SYNE1: variants seen among roughly 807,000 people sequenced by gnomAD.
SYNE1 encodes spectrin repeat containing nuclear envelope protein 1.
A neutral mutation model predicts 1,111.0 loss-of-function variants in SYNE1; 616 were observed. The observed-to-expected ratio is 0.55, with a 90% CI of 0.52 to 0.59. The LOEUF is 0.59. Among genes scored for constraint, SYNE1 ranks in the 20% least tolerant of loss-of-function variants. The pLI is 0.00. For synonymous variants in SYNE1, 3,855 were observed against 3,825.8 expected (o/e 1.01, Z -0.28); for missense variants, 10,006 against 10,417.0 (o/e 0.96, Z 1.72).
intron 57 of SYNE1, 66 bp from the exon 58 acceptor site, chr6:152,376,624 A>G: frequency 6.3e-7 from 1 of 1,593,154 alleles, no homozygotes; most frequent in Non-Finnish European, 8.6e-7. Context: ...ATCATGTTTG[A>G]TAGAATCACC....
Position 152,148,167 on chromosome 6 carries a change from C to G in SYNE1, c.24854G>C (p.Trp8285Ser). The G allele has an allele frequency of 6.2e-7, 1 of 1,614,188 alleles. No individual in the cohort carries two copies. The highest frequency in any genetic ancestry group is 2.2e-5 in the East Asian group (1 of 44,866). The change falls in exon 137 of 146, where the codon TGG (tryptophan) becomes TCG (serine). Residue 8285 changes from tryptophan to serine, a missense_variant. Physicochemically the swap from Trp to Ser is radical, Grantham distance 177. This residue lies in a region of SYNE1 where 761 missense variants were observed against 795.5 expected (regional missense o/e 0.96). Transcript: ENST00000367255. The surrounding 1 kb of genome is among the most constrained non-coding windows in gnomAD (Gnocchi z 4.1). ...PASVDSIPLE[W>S]DHDYDLSRDL... ...CCGACTGAGGTCATAGTCGTGATCC[C>G]ACTCCAGGGGGATGGAGTCCACACT...
chr6:152,217,114 T>TA (rs35131405), intron 121 of SYNE1, among the ~76,000 whole-genome samples: 3 of 100,380 alleles, frequency 3.0e-5, no homozygotes, highest in African/African-American at 6.3e-5. Flanking sequence ...TTTTTTTTTT[T>TA]AAAAAAGTAT....
chr6:152,238,902 T>G (rs2084862173), intron 108 of SYNE1, among the ~76,000 whole-genome samples: 1 of 140,980 alleles, frequency 7.1e-6, no homozygotes, highest in African/African-American at 2.9e-5. Context: ...TTACTTTCAT[T>G]TTTTTTTTTT....
At chr6:152,393,300 GC>G (rs2097676387) in intron 51 of SYNE1, among the ~76,000 whole-genome samples, 1 of 152,088 alleles carries the variant, frequency 6.6e-6, no homozygotes, top group Admixed American at 6.6e-5. Context: ...GTAATGAGCA[GC>G]CTGTAGAGAC....
At position 152,376,536 on chromosome 6, in the gene SYNE1, C is replaced by G. The variant is rs766846025; in HGVS notation, c.9169G>C (p.Gly3057Arg). ...AAAATCTGTTCTTTATTCTGGCAGC[C>G]CTTGGATGCTTGCAAACAAAGACTG... is the stretch of plus-strand genomic sequence containing the variant. ...YNCLCLQASK[G>R]CQNKEQILQQ... is the part of the protein sequence containing the mutation. The change falls in exon 58 of 146, where the codon GGC becomes CGC. Residue 3057 changes from glycine (G) to arginine (R), a missense_variant. Gly to Arg is a moderately radical substitution (Grantham distance 125, BLOSUM62 -2). This residue lies in a region of SYNE1 where 4,955 missense variants were observed against 5,017.2 expected (regional missense o/e 0.99). Transcript: ENST00000367255. 6.2e-7 allele frequency: 1 copy of G among 1,613,866 alleles called. No individual in the cohort carries two copies. The highest frequency in any genetic ancestry group is 1.1e-5 in the South Asian group (1 of 91,078).
chr6:152,474,440 A>T (rs1215316443), intron 14 of SYNE1, among the ~76,000 whole-genome samples: 2 of 152,222 alleles, frequency 1.3e-5, no homozygotes, highest in Middle Eastern at 3.2e-3. Context: ...ACCACTGCTG[A>T]GAGAGATTGA....
intron 93 of SYNE1, among the ~76,000 whole-genome samples, chr6:152,294,751 T>C (rs2094786373): frequency 6.6e-6 from 1 of 152,132 alleles, no homozygotes; most frequent in South Asian, 2.1e-4. Context: ...AATGATGAAA[T>C]ATCATGCTTT....
At chr6:152,393,077 C>T (rs531155251) in intron 51 of SYNE1, among the ~76,000 whole-genome samples, 2 of 152,200 alleles carry the variant, frequency 1.3e-5, no homozygotes, top group Non-Finnish European at 2.9e-5. Flanking sequence ...CACCCAGAAA[C>T]AAGCACACTA....
rs1201471335 is a variant in SYNE1 at position 152,367,278 on chromosome 6, A to C, written c.9912T>G (p.Asp3304Glu). The change falls in exon 62 of 146, where the codon GAT (aspartate) becomes GAG (glutamate). Residue 3304 changes from aspartate (D) to glutamate (E), a missense_variant. Asp to Glu is a conservative substitution (Grantham distance 45). Coordinates refer to ENST00000367255, the MANE Select transcript of SYNE1 (RefSeq NM_182961.4). The part of the protein sequence containing the change: ...DWMTDAIHML[D>E]SYCHPTSDKS... ...TGTCGGATGTCGGGTGGCAGTATGA[A>C]TCCAGCATGTGAATCGCATCCGTCA... 1.2e-6 allele frequency: 2 copies of C among 1,614,224 alleles called. No homozygotes were observed. The highest frequency in any genetic ancestry group is 2.2e-5 in the South Asian group (2 of 91,086).
chr6:152,481,979 T>A (rs577625226), intron 14 of SYNE1, among the ~76,000 whole-genome samples: 2 of 151,806 alleles, frequency 1.3e-5, no homozygotes, highest in Non-Finnish European at 2.9e-5. Flanking sequence ...GCGTTGGTGA[T>A]TGGGGGAGGA....
chr6:152,532,016 A>T (rs1256511972), intron 4 of SYNE1, among the ~76,000 whole-genome samples: 1 of 152,218 alleles, frequency 6.6e-6, no homozygotes, highest in East Asian at 1.9e-4. Flanking sequence ...ATATATACCC[A>T]GAAGTGGAAT....
In SYNE1 at chr6:152,395,524, C is replaced by A. The variant is rs766042710; in HGVS notation, c.7704G>T (p.Leu2568=). Residue 2568 remains leucine (L), a synonymous_variant, in exon 51 of 146, where the codon CTG becomes CTT. Coordinates refer to ENST00000367255, the MANE Select transcript of SYNE1 (RefSeq NM_182961.4). The part of the protein sequence containing the change: ...HKVEMFLGEL[L]AARESLDKLS... ...CCATTTCTGGACCATACCTTGCAGC[C>A]AGCAGTTCTCCCAAAAACATTTCAA... 2 of 1,613,646 alleles carry A rather than the reference C, an allele frequency of 1.2e-6. No individual in the cohort carries two copies. The highest frequency in any genetic ancestry group is 2.7e-5 in the African/African-American group (2 of 74,860).
At chr6:152,380,932 T>C in intron 56 of SYNE1, 74 bp downstream of exon 56, 2 of 1,471,610 alleles carry the variant, frequency 1.4e-6, no homozygotes, top group Non-Finnish European at 1.9e-6. Context: ...GCAAGATTTT[T>C]TTTTTAAGGA....
chr6:152,390,444 G>T lies in SYNE1; in HGVS notation c.8013C>A (p.Leu2671=), dbSNP rs1563634153. 6.2e-7 allele frequency: 1 copy of T among 1,613,930 alleles called. No homozygotes were observed. Among genetic ancestry groups the T allele is most frequent in the Non-Finnish European group, 8.5e-7 (1 of 1,179,980 alleles). The part of the protein sequence containing the change: ...EKRLSQIQDI[L]LMKGEGEVKL... ...TAACTTCCCCTTCACCTTTCATCAG[G>T]AGAATATCCTGGGAAGGAAGAAAGA... Residue 2671 remains leucine (L), a synonymous_variant, in exon 53 of 146, where the codon CTC becomes CTA. Coordinates refer to ENST00000367255, the MANE Select transcript of SYNE1 (RefSeq NM_182961.4).
At chr6:152,460,377 A>C (rs926736045) in intron 21 of SYNE1, among the ~76,000 whole-genome samples, 48 of 152,166 alleles carry the variant, frequency 3.2e-4, no homozygotes, top group Non-Finnish European at 1.5e-5. Context: ...TACCATATTG[A>C]TAGATAAAAT....
At chr6:152,125,084 C>A (rs1312455417) in intron 145 of SYNE1, among the ~76,000 whole-genome samples, 1 of 152,208 alleles carries the variant, frequency 6.6e-6, no homozygotes, top group African/African-American at 2.4e-5. Flanking sequence ...TTTTAACTAC[C>A]AGAACCTGGA....
At chr6:152,566,265 G>C (rs2128264671) in intron 3 of SYNE1, among the ~76,000 whole-genome samples, 1 of 152,230 alleles carries the variant, frequency 6.6e-6, no homozygotes, top group East Asian at 1.9e-4. Context: ...ACACAGAGAT[G>C]CTGGCAGGTT....
At chr6:152,538,431 C>A (rs934534208) in intron 4 of SYNE1, among the ~76,000 whole-genome samples, 18 of 152,068 alleles carry the variant, frequency 1.2e-4, no homozygotes, top group African/African-American at 4.3e-4. Flanking sequence ...GGCTCCAGAA[C>A]AATATCCTAT....
intron 6 of SYNE1, among the ~76,000 whole-genome samples, chr6:152,514,463 C>G (rs2099101167): frequency 6.6e-6 from 1 of 152,012 alleles, no homozygotes. Flanking sequence ...GAACATCACA[C>G]ACCAGTGCCT....
Sources: gnomAD v4.1 joint callset for allele counts (sites outside exome capture counted in the v4.1 genomes callset) on GRCh38, gnomAD v4.1.1 for gene constraint, gnomAD v4.1.1 regional missense constraint, Gnocchi (gnomAD v3.1) non-coding constraint, MANE v1.5 for transcripts, NCBI Gene and HGNC (gene_info 2026-07-23, HGNC 2026-07-21) for gene names.